GMDS: variants seen among roughly 807,000 people sequenced by gnomAD.
GMDS encodes GDP-mannose 4,6 dehydratase.
Under a neutral mutation model 49.9 loss-of-function variants are expected in GMDS, and 20 were observed. The observed-to-expected ratio is 0.40, with a 90% CI of 0.28 to 0.58. The LOEUF is 0.58. GMDS is among the 20% of genes least tolerant of loss of function. GMDS has a pLI of 0.42. For synonymous variants in GMDS, 177 were observed against 178.6 expected (o/e 0.99, Z 0.07); for missense variants, 362 against 481.4 (o/e 0.75, Z 2.32).
intron 4 of GMDS, among the ~76,000 whole-genome samples, chr6:1,977,829 C>T (rs1764994951): frequency 6.6e-6 from 1 of 152,158 alleles, no homozygotes; most frequent in Admixed American, 6.5e-5. Flanking sequence ...GGAGTCTTGG[C>T]AGAACAGCTG....
chr6:1,910,069 AT>A, intron 7 of GMDS, among the ~76,000 whole-genome samples: 1 of 152,218 alleles, frequency 6.6e-6, no homozygotes, highest in East Asian at 1.9e-4. Context: ...ATTTTTTAAT[AT>A]TTTTTACATG....
rs1248570885 is a variant in GMDS, at chr6:1,654,417, T to C, written c.988-29877A>G. Reference sequence around the variant, plus strand: ...CTGTGGTAATATTTGCTATGGAATATTATTCCTCCTTAAGGAGGAAGACAA... The same window carrying C: ...CTGTGGTAATATTTGCTATGGAATACTATTCCTCCTTAAGGAGGAAGACAA... On this transcript the variant is annotated intron_variant, in intron 9 of 10. Transcript: ENST00000380815. Among the ~76,000 whole-genome samples, 5 of 152,210 alleles carry C rather than the reference T, an allele frequency of 3.3e-5. No individual in the cohort carries two copies. In the East Asian group the frequency reaches 9.6e-4, roughly 29 times the overall value.
intron 7 of GMDS, among the ~76,000 whole-genome samples, chr6:1,841,466 C>T (rs544565857): frequency 5.8e-4 from 89 of 152,286 alleles, no homozygotes; most frequent in African/African-American, 2.0e-3. Context: ...CAAATGCTAA[C>T]GTTTTTGAAA....
chr6:2,182,873 A>C (rs1778616212), intron 1 of GMDS, among the ~76,000 whole-genome samples: 1 of 152,066 alleles, frequency 6.6e-6, no homozygotes, highest in Admixed American at 6.5e-5. Context: ...TGCCAGGCTA[A>C]TTTTTGTATT....
intron 9 of GMDS, among the ~76,000 whole-genome samples, chr6:1,678,527 C>T (rs549550495): frequency 6.6e-6 from 1 of 152,170 alleles, no homozygotes; most frequent in South Asian, 2.1e-4. Context: ...GTGACAACTT[C>T]CTTGCTCCTT....
intron 1 of GMDS, among the ~76,000 whole-genome samples, chr6:2,187,579 C>A (rs939048605): frequency 6.6e-6 from 1 of 152,170 alleles, no homozygotes; most frequent in African/African-American, 2.4e-5. Context: ...GAGATCCTAT[C>A]CTATGAGAGT....
At chr6:2,032,154 T>C (rs1190223246) in intron 4 of GMDS, among the ~76,000 whole-genome samples, 1 of 152,202 alleles carries the variant, frequency 6.6e-6, no homozygotes, top group Non-Finnish European at 1.5e-5. Context: ...CAACAGTTGC[T>C]AGTTCATCAT....
At chr6:2,058,330 G>A in intron 4 of GMDS, among the ~76,000 whole-genome samples, 1 of 126,846 alleles carries the variant, frequency 7.9e-6, no homozygotes, top group Non-Finnish European at 1.6e-5. Context: ...ATGTGACAGA[G>A]TAAGACTCAA....
At position 2,061,718 on chromosome 6, in the gene GMDS, CAAAAAAAAAA is replaced by C. The variant is rs68037512; in HGVS notation, c.345+54043_345+54052del. Among the ~76,000 whole-genome samples, 20 of 57,106 alleles carry C rather than the reference CAAAAAAAAAA, an allele frequency of 3.5e-4. 1 individual carries two copies. Among genetic ancestry groups the C allele is most frequent in the African/African-American group, 1.3e-3 (18 of 13,418 alleles). 37.5% of individuals were successfully genotyped at this position (57,106 alleles called of 152,430 possible). On this transcript the variant is annotated intron_variant, in intron 4 of 10. Coordinates refer to ENST00000380815, the MANE Select transcript of GMDS (RefSeq NM_001500.4). ...TGGGTGACAGTGCAAGACTCTGTCT[CAAAAAAAAAA>C]AAAAAAAAAAAAAAATCTGAAGTGG...
At chr6:2,187,322 C>T (rs75749315) in intron 1 of GMDS, among the ~76,000 whole-genome samples, 15,938 of 152,280 alleles carry the variant, frequency 0.1, 1,132 homozygotes, top group Non-Finnish European at 0.16. Context: ...AAGTACGTTT[C>T]CTTCTTTTAT....
chr6:1,744,860 GCA>G (rs1767418544), intron 7 of GMDS, among the ~76,000 whole-genome samples: 1 of 152,248 alleles, frequency 6.6e-6, no homozygotes, highest in Non-Finnish European at 1.5e-5. Context: ...GAATTCCAAT[GCA>G]CACAGTATGG....
At chr6:1,834,155 A>G (rs534458726) in intron 7 of GMDS, among the ~76,000 whole-genome samples, 1 of 152,372 alleles carries the variant, frequency 6.6e-6, no homozygotes, top group African/African-American at 2.4e-5. Flanking sequence ...ATTAAAACAG[A>G]TGATATTAAT....
chr6:1,669,379 T>C (rs1339221516), intron 9 of GMDS, among the ~76,000 whole-genome samples: 1 of 152,214 alleles, frequency 6.6e-6, no homozygotes, highest in Non-Finnish European at 1.5e-5. Context: ...CTCTCTGGGA[T>C]ACACTTCAGA....
intron 9 of GMDS, among the ~76,000 whole-genome samples, chr6:1,688,832 A>C (rs994870937): frequency 6.6e-6 from 1 of 152,078 alleles, no homozygotes; most frequent in Admixed American, 6.6e-5. Context: ...GAGGAATGTG[A>C]GTTTATTTTA....
At chr6:1,919,616 G>T (rs1761613471) in intron 7 of GMDS, among the ~76,000 whole-genome samples, 1 of 152,158 alleles carries the variant, frequency 6.6e-6, no homozygotes, top group South Asian at 2.1e-4. Context: ...ATGCAGCATA[G>T]TTTCTGAAGC....
chr6:1,728,266 T>G (rs1034036023), intron 8 of GMDS, among the ~76,000 whole-genome samples: 1 of 152,242 alleles, frequency 6.6e-6, no homozygotes, highest in Non-Finnish European at 1.5e-5. Context: ...CTAAAGTTAA[T>G]TGTTTAAGTA....
chr6:2,017,501 G>A lies in GMDS; in HGVS notation c.346-56535C>T, dbSNP rs575509947. Among the ~76,000 whole-genome samples, 15 of 152,118 alleles carry A rather than the reference G, an allele frequency of 9.9e-5. 1 individual carries two copies. The South Asian group carries it at 3.1e-3, about 32-fold the overall frequency. On this transcript the variant is annotated intron_variant, in intron 4 of 10. Transcript: ENST00000380815. ...TTTTTGTATTTTTAGTAGAGACAGG[G>A]TTTCACCATGTTGTCCAGGCTGGTC...
chr6:2,051,412 A>AT (rs1254444126), intron 4 of GMDS, among the ~76,000 whole-genome samples: 3 of 152,300 alleles, frequency 2.0e-5, no homozygotes, highest in Admixed American at 2.0e-4. Context: ...GCACCATATA[A>AT]TTTTTCATCT....
chr6:1,917,639 G>A (rs1387825640), intron 7 of GMDS, among the ~76,000 whole-genome samples: 2 of 152,236 alleles, frequency 1.3e-5, no homozygotes, highest in Non-Finnish European at 2.9e-5. Context: ...AAAAGCACAT[G>A]AAACTATGCA....
Sources: allele counts gnomAD v4.1 joint callset (sites outside exome capture counted in the v4.1 genomes callset), GRCh38; gene constraint gnomAD v4.1.1; transcripts MANE v1.5; gene names NCBI Gene and HGNC (gene_info 2026-07-23, HGNC 2026-07-21).